Variants in C8A observed in about 807,000 individuals in gnomAD.
C8A encodes complement C8 alpha chain, also known as complement component C8 alpha chain.
A neutral mutation model predicts 65.3 loss-of-function variants in C8A; 67 were observed. The observed-to-expected ratio is 1.03, with a 90% CI of 0.84 to 1.26. The LOEUF (loss-of-function observed/expected upper bound fraction) is 1.26. Among genes scored for constraint, C8A ranks in the 50% most tolerant of loss-of-function variants. C8A has a pLI of 0.00. For missense variants in C8A, 781 were observed against 723.9 expected (o/e 1.08, Z -0.90); for synonymous variants, 290 against 259.4 (o/e 1.12, Z -1.13).
chr1:56,884,943 A>G (rs576527670), intron 6 of C8A, among the ~76,000 whole-genome samples: 1 of 152,302 alleles, frequency 6.6e-6, no homozygotes, highest in South Asian at 2.1e-4. Flanking sequence ...ACATTTCAGC[A>G]TGTCACTAAA....
Position 56,893,822 on chromosome 1 carries a change from T to C in C8A, c.1096+7655T>C, listed in dbSNP as rs1374211236. Among the ~76,000 whole-genome samples, 5 of 152,206 alleles carry C rather than the reference T, an allele frequency of 3.3e-5. No homozygotes were observed. In the East Asian group the frequency reaches 9.6e-4, roughly 29 times the overall value. On this transcript the variant is annotated intron_variant, in intron 7 of 10. Coordinates refer to ENST00000361249, the MANE Select transcript of C8A (RefSeq NM_000562.3). ...AAATTTCAATTGCTGAAGTAGGTTC[T>C]GAGTCAGATTGCCTGATTCAAGTCC... is the stretch of plus-strand genomic sequence containing the variant.
chr1:56,867,827 T>C, intron 2 of C8A, 125 bp downstream of exon 2: 2 of 752,162 alleles, frequency 2.7e-6, no homozygotes, highest in East Asian at 2.7e-5. Context: ...GAAATTGTTG[T>C]TTGAAATCCA....
At chr1:56,885,348 A>ATATATTTATTTAAATATATATT (rs1644284309) in intron 6 of C8A, among the ~76,000 whole-genome samples, 8 of 88,824 alleles carry the variant, frequency 9.0e-5, no homozygotes, top group Admixed American at 1.5e-4. Context: ...TTACATAAAT[A>ATATATTTATTTAAATATATATT]TATATTTATG....
At chr1:56,888,885 G>A (rs1244505442) in intron 7 of C8A, among the ~76,000 whole-genome samples, 1 of 152,160 alleles carries the variant, frequency 6.6e-6, no homozygotes, top group Non-Finnish European at 1.5e-5. Context: ...GCTCATTAGA[G>A]AGGCTAATTA....
At chr1:56,900,303 T>C (rs1012114012) in intron 7 of C8A, among the ~76,000 whole-genome samples, 2 of 152,216 alleles carry the variant, frequency 1.3e-5, no homozygotes, top group Non-Finnish European at 2.9e-5. Flanking sequence ...TTGGGCCTGT[T>C]AGTCCTGGGT....
chr1:56,865,743 A>G (rs778732961), intron 1 of C8A, among the ~76,000 whole-genome samples: 2 of 152,212 alleles, frequency 1.3e-5, no homozygotes, highest in African/African-American at 2.4e-5. Context: ...TAATGACAAG[A>G]TTTGAGCTTC....
chr1:56,883,694 A>T lies in C8A; in HGVS notation c.855+13A>T. On this transcript the variant is annotated intron_variant, in intron 6 of 10. Coordinates refer to ENST00000361249, the MANE Select transcript of C8A (RefSeq NM_000562.3). The stretch of plus-strand genomic sequence containing the variant: ...GTATAATGAGAAGGTATTCAAACAT[A>T]ATGTCTGTGTCTCACAGTATTCCAT... The T allele has an allele frequency of 6.2e-7, 1 of 1,604,110 alleles. No individual in the cohort carries two copies. The highest frequency in any genetic ancestry group is 8.5e-7 in the Non-Finnish European group (1 of 1,171,476).
chr1:56,904,057 C>T (rs977169893), intron 7 of C8A, among the ~76,000 whole-genome samples: 1 of 152,202 alleles, frequency 6.6e-6, no homozygotes, highest in African/African-American at 2.4e-5. Flanking sequence ...TCTATCCACA[C>T]TACACACCTA....
chr1:56,871,729 C>T (rs1644148692), intron 2 of C8A, among the ~76,000 whole-genome samples: 1 of 152,062 alleles, frequency 6.6e-6, no homozygotes, highest in African/African-American at 2.4e-5. Context: ...AGTAGGCACT[C>T]AGTACATGGT....
intron 4 of C8A, among the ~76,000 whole-genome samples, chr1:56,876,768 TCA>T: frequency 6.6e-6 from 1 of 152,108 alleles, no homozygotes; most frequent in East Asian, 1.9e-4. Context: ...TAACTTCTCT[TCA>T]TTCACCTTAT....
intron 5 of C8A, among the ~76,000 whole-genome samples, chr1:56,882,206 T>C (rs1348129208): frequency 6.6e-6 from 1 of 152,158 alleles, no homozygotes; most frequent in Non-Finnish European, 1.5e-5. Context: ...TGGTGGTCTC[T>C]TGGTCACTTG....
chr1:56,906,249 G>A lies in C8A; in HGVS notation c.1097-418G>A, dbSNP rs1411011. 4.5e-3 allele frequency among the ~76,000 whole-genome samples: 683 copies of A among 152,226 alleles called. 9 individuals are homozygous for A. The highest frequency in any genetic ancestry group is 0.016 in the African/African-American group (650 of 41,534). On this transcript the variant is annotated intron_variant, in intron 7 of 10. Transcript: ENST00000361249. ...TTGAATGGAAGCTTGAGTAGCCTTTGGAAAGATGATGGAAAGGGAGGAGGA... is the reference window on the plus strand; with the variant it reads ...TTGAATGGAAGCTTGAGTAGCCTTTAGAAAGATGATGGAAAGGGAGGAGGA...
At position 56,899,928 on chromosome 1, in the gene C8A, A is replaced by G. The variant is rs550834711; in HGVS notation, c.1097-6739A>G. 1.5e-4 allele frequency among the ~76,000 whole-genome samples: 23 copies of G among 152,332 alleles called. No individual in the cohort carries two copies. In the South Asian group the frequency reaches 2.3e-3, roughly 15 times the overall value. On this transcript the variant is annotated intron_variant, in intron 7 of 10. Coordinates refer to ENST00000361249, the MANE Select transcript of C8A (RefSeq NM_000562.3). The stretch of plus-strand genomic sequence containing the variant: ...GGTTAAACAATTTGCCCACATAGTC[A>G]TTGGACAGGGGTGGCATTCCAGCTC...
At chr1:56,902,047 A>G (rs1460384309) in intron 7 of C8A, among the ~76,000 whole-genome samples, 2 of 152,136 alleles carry the variant, frequency 1.3e-5, no homozygotes, top group African/African-American at 2.4e-5. Context: ...TTAAAGTCTC[A>G]GGATCATGGC....
At chr1:56,863,344 C>T (rs751139364) in intron 1 of C8A, among the ~76,000 whole-genome samples, 1 of 152,140 alleles carries the variant, frequency 6.6e-6, no homozygotes, top group Admixed American at 6.6e-5. Context: ...ATGAATGGTC[C>T]TGGTGTACTT....
chr1:56,886,543 T>TA (rs1228903470), intron 7 of C8A, among the ~76,000 whole-genome samples: 1 of 152,154 alleles, frequency 6.6e-6, no homozygotes, highest in Non-Finnish European at 1.5e-5. Context: ...GCTAGAAACT[T>TA]ACATTCATCT....
intron 4 of C8A, among the ~76,000 whole-genome samples, chr1:56,879,626 T>C (rs1355225688): frequency 1.3e-5 from 2 of 152,180 alleles, no homozygotes; most frequent in South Asian, 2.1e-4. Flanking sequence ...AATCCAGCTA[T>C]GACTAGAGAC....
Position 56,891,847 on chromosome 1 carries a change from G to A in C8A, c.1096+5680G>A, listed in dbSNP as rs997692075. Among the ~76,000 whole-genome samples the A allele has an allele frequency of 5.9e-5, 9 of 152,022 alleles. No homozygotes were observed. In the East Asian group the frequency reaches 1.2e-3, roughly 20 times the overall value. On this transcript the variant is annotated intron_variant, in intron 7 of 10. Transcript: ENST00000361249. ...TGGTAGGGATTCTGGGGGCAAAGAA[G>A]GGACTCTAAATATACATACATATTT...
At chr1:56,902,185 C>T (rs1362799352) in intron 7 of C8A, among the ~76,000 whole-genome samples, 5 of 152,138 alleles carry the variant, frequency 3.3e-5, no homozygotes, top group Non-Finnish European at 7.4e-5. Flanking sequence ...GCTGAAACAC[C>T]TCATCTCTGC....
Sources: gnomAD v4.1 joint callset for allele counts (sites outside exome capture counted in the v4.1 genomes callset) on GRCh38, gnomAD v4.1.1 for gene constraint, MANE v1.5 for transcripts, NCBI Gene and HGNC (gene_info 2026-07-23, HGNC 2026-07-21) for gene names.